ASB7: variants seen among roughly 807,000 people sequenced by gnomAD.
ASB7 encodes the protein ankyrin repeat and SOCS box containing 7.
In ASB7, 4 loss-of-function variants were observed where a neutral mutation model predicts 32.5. That is an observed-to-expected ratio of 0.12 (90% CI 0.06 to 0.28). The LOEUF is 0.28. Among genes scored for constraint, ASB7 ranks in the 10% least tolerant of loss-of-function variants. The pLI is 1.00. For missense variants in ASB7, 181 were observed against 407.1 expected, an observed-to-expected ratio of 0.44 and a Z score of 4.78; for synonymous variants, 172 against 155.6, an observed-to-expected ratio of 1.11 and a Z score of -0.78.
intron 2 of ASB7, 108 bp from the exon 3 acceptor site, chr15:100,609,599 T>C (rs931630214): frequency 3.9e-5 from 6 of 152,274 alleles, no homozygotes; most frequent in African/African-American, 1.2e-4. Context: ...TCTATAGATT[T>C]ATTGTAAAGC....
Position 100,649,150 on chromosome 15 carries a change from G to T in ASB7, c.*688G>T, listed in dbSNP as rs187134232. ...CACTGCATCTCGATTTCTATCTCTA[G>T]TTAGAGTTGTACTTTTAAAAAAATT... On this transcript the variant is annotated 3_prime_UTR_variant, in exon 6 of 6. Transcript: ENST00000332783. 2 of 152,438 alleles carry T rather than the reference G, an allele frequency of 1.3e-5. No homozygotes were observed. The highest frequency in any genetic ancestry group is 1.3e-4 in the Admixed American group (2 of 15,266). The allele number at this position is 152,438 out of a possible 1,614,324, so 9.4% of individuals were successfully genotyped here. A position where few individuals can be genotyped will look rare whatever the true frequency, so the allele number is the denominator to read the frequency against.
chr15:100,647,936 C>T (rs1373497427), intron 5 of ASB7, among the ~76,000 whole-genome samples: 3 of 152,130 alleles, frequency 2.0e-5, no homozygotes, highest in African/African-American at 7.2e-5. Context: ...AGTGGCTCAC[C>T]CAGCGTGAGA....
chr15:100,636,829 A>G (rs1441821363), intron 5 of ASB7, among the ~76,000 whole-genome samples: 2 of 152,356 alleles, frequency 1.3e-5, no homozygotes, highest in Non-Finnish European at 2.9e-5. Flanking sequence ...AGATTGTTTT[A>G]GGTGCCTATG....
At chr15:100,633,885 G>GCA (rs1555439410) in intron 5 of ASB7, among the ~76,000 whole-genome samples, 2 of 152,142 alleles carry the variant, frequency 1.3e-5, no homozygotes, top group African/African-American at 4.8e-5. Flanking sequence ...CATAATGTTT[G>GCA]CACACACACC....
chr15:100,648,007 T>C (rs1244538154), intron 5 of ASB7, among the ~76,000 whole-genome samples: 1 of 152,254 alleles, frequency 6.6e-6, no homozygotes, highest in Non-Finnish European at 1.5e-5. Flanking sequence ...GATATGAGGC[T>C]TAGAATCAAA....
chr15:100,602,636 A>T lies in ASB7; in HGVS notation c.-683A>T, dbSNP rs2039554205. On this transcript the variant is annotated 5_prime_UTR_variant, in exon 1 of 6. Coordinates refer to ENST00000332783, the MANE Select transcript of ASB7 (RefSeq NM_198243.3). The stretch of plus-strand genomic sequence containing the variant: ...GAGGGGGCGGGGGTGGCCCAGTGCA[A>T]AGTGCATCCCGAAAGCCCCCTGTCC... The T allele has an allele frequency of 8.9e-6, 2 of 223,730 alleles. No individual in the cohort carries two copies. Among genetic ancestry groups the T allele is most frequent in the Admixed American group, 5.8e-5 (1 of 17,192 alleles). The allele number at this position is 223,730 out of a possible 1,614,324, so 13.9% of individuals were successfully genotyped here.
rs376420227 is a variant in ASB7 at position 100,629,933 on chromosome 15, C to T, written c.708C>T (p.Tyr236=). 70 of 1,614,146 alleles carry T rather than the reference C, an allele frequency of 4.3e-5. No individual in the cohort carries two copies. Among genetic ancestry groups the T allele is most frequent in the African/African-American group, 4.3e-4 (32 of 75,036 alleles). ...DVLCARMLYN[Y]GADTNTRNYE... is the part of the protein sequence containing the mutation. ...TGTGTGCACGGATGTTATATAATTA[C>T]GGAGCAGACACGAACACACGGAACT... Residue 236 remains tyrosine (Y), a synonymous_variant, in exon 5 of 6, where the codon TAC becomes TAT. Transcript: ENST00000332783. The surrounding 1 kb of genome is among the most constrained non-coding windows in gnomAD (Gnocchi z 6.8).
intron 4 of ASB7, among the ~76,000 whole-genome samples, chr15:100,622,090 T>TA (rs2039797169): frequency 6.6e-6 from 1 of 152,016 alleles, no homozygotes; most frequent in African/African-American, 2.4e-5. Context: ...GATAAATCAG[T>TA]ACAGTTGTAG....
rs532160843 is a variant in ASB7 at position 100,602,847 on chromosome 15, C to T, written c.-472C>T. ...TCCTCCCTGCCTCCCTGCACCTCTG[C>T]CCCAAGGCTGCCCGGCGGCCGGGAT... On this transcript the variant is annotated 5_prime_UTR_variant, in exon 1 of 6. Transcript: ENST00000332783. 1 of 394,692 alleles carries T rather than the reference C, an allele frequency of 2.5e-6. No homozygotes were observed. The allele number at this position is 394,692 out of a possible 1,614,324, so 24.4% of individuals were successfully genotyped here.
chr15:100,628,903 A>G (rs1172807509), intron 4 of ASB7, among the ~76,000 whole-genome samples: 1 of 152,222 alleles, frequency 6.6e-6, no homozygotes, highest in Non-Finnish European at 1.5e-5. Context: ...TATATCTGAG[A>G]TGCTTTGGAA....
chr15:100,632,658 G>A (rs1172053460), intron 5 of ASB7, among the ~76,000 whole-genome samples: 1 of 152,136 alleles, frequency 6.6e-6, no homozygotes, highest in Non-Finnish European at 1.5e-5. Flanking sequence ...ATTGGAGATC[G>A]CAGACTGCCG....
intron 4 of ASB7, among the ~76,000 whole-genome samples, chr15:100,621,214 TTTAA>T: frequency 6.6e-6 from 1 of 152,336 alleles, no homozygotes. Context: ...TTAAATTAAG[TTTAA>T]TTAATGATTA....
chr15:100,611,375 G>T (rs1478197052), intron 3 of ASB7, among the ~76,000 whole-genome samples: 2 of 149,614 alleles, frequency 1.3e-5, no homozygotes, highest in African/African-American at 2.5e-5. Flanking sequence ...TGTATGTTGG[G>T]TTTTAGTACA....
chr15:100,612,792 C>T (rs1319153602), intron 4 of ASB7, among the ~76,000 whole-genome samples: 1 of 152,192 alleles, frequency 6.6e-6, no homozygotes, highest in African/African-American at 2.4e-5. Flanking sequence ...TTGATTATTG[C>T]TTAAGCGTAT....
intron 5 of ASB7, among the ~76,000 whole-genome samples, chr15:100,638,737 A>G (rs1281566849): frequency 6.6e-6 from 1 of 152,146 alleles, no homozygotes; most frequent in Non-Finnish European, 1.5e-5. Flanking sequence ...GGTTTGTTAC[A>G]TAGGTATACA....
At chr15:100,616,609 T>A (rs2039745640) in intron 4 of ASB7, among the ~76,000 whole-genome samples, 1 of 152,252 alleles carries the variant, frequency 6.6e-6, no homozygotes, top group Non-Finnish European at 1.5e-5. Context: ...TATAAGGTTT[T>A]CATATATGTG....
At position 100,603,260 on chromosome 15, in the gene ASB7, C is replaced by T; in HGVS notation, c.-227C>T. 1 of 354,612 alleles carries T rather than the reference C, an allele frequency of 2.8e-6. No individual in the cohort carries two copies. The highest frequency in any genetic ancestry group is 2.1e-5 in the African/African-American group (1 of 47,498). 22.0% of individuals were successfully genotyped at this position (354,612 alleles called of 1,614,324 possible). A position where few individuals can be genotyped will look rare whatever the true frequency, so the allele number is the denominator to read the frequency against. On this transcript the variant is annotated 5_prime_UTR_variant, in exon 2 of 6. Coordinates refer to ENST00000332783, the MANE Select transcript of ASB7 (RefSeq NM_198243.3). The stretch of plus-strand genomic sequence containing the variant: ...ACGCGAAAGCAGGAAGAGGTCTGCC[C>T]ACCTATCAGAGAAGCAGAAGGCACA...
chr15:100,612,538 A>G, intron 4 of ASB7, 111 bp downstream of exon 4: 1 of 1,027,516 alleles, frequency 9.7e-7, no homozygotes, highest in Non-Finnish European at 1.5e-6. Flanking sequence ...AATACTCAAC[A>G]TATTATTCTC....
intron 5 of ASB7, among the ~76,000 whole-genome samples, chr15:100,634,455 G>T (rs1026479468): frequency 6.6e-6 from 1 of 152,180 alleles, no homozygotes; most frequent in African/African-American, 2.4e-5. Context: ...GACCTGGCAA[G>T]GTAAGTACTG....
Sources: allele counts gnomAD v4.1 joint callset (sites outside exome capture counted in the v4.1 genomes callset), GRCh38; gene constraint gnomAD v4.1.1; non-coding constraint Gnocchi (gnomAD v3.1); transcripts MANE v1.5; gene names NCBI Gene and HGNC (gene_info 2026-07-23, HGNC 2026-07-21).